Variants in SDK1 observed in about 807,000 individuals in gnomAD.
The protein encoded by SDK1 is protein sidekick-1.
Under a neutral mutation model 245.5 loss-of-function variants are expected in SDK1, and 157 were observed. The observed-to-expected ratio is 0.64, with a 90% CI of 0.56 to 0.73. SDK1 has a LOEUF of 0.73. Among genes scored for constraint, SDK1 ranks in the 30% least tolerant of loss-of-function variants. The pLI is 0.00. For synonymous variants in SDK1, 1,647 were observed against 1,278.5 expected, an observed-to-expected ratio of 1.29 and a Z score of -6.15; for missense variants, 3,583 against 3,002.3, an observed-to-expected ratio of 1.19 and a Z score of -4.52.
intron 1 of SDK1, among the ~76,000 whole-genome samples, chr7:3,599,981 GA>G (rs1479954826): frequency 1.3e-5 from 2 of 152,094 alleles, no homozygotes; most frequent in Non-Finnish European, 2.9e-5. Context: ...CTGGTATTTG[GA>G]CAATAATTCC....
intron 28 of SDK1, among the ~76,000 whole-genome samples, chr7:4,137,539 C>T (rs992164024): frequency 1.3e-5 from 2 of 152,156 alleles, no homozygotes; most frequent in Non-Finnish European, 2.9e-5. Flanking sequence ...GTGCCACCTC[C>T]GTCTTCCAGG....
intron 1 of SDK1, among the ~76,000 whole-genome samples, chr7:3,553,372 C>G (rs541890022): frequency 1.3e-5 from 2 of 152,144 alleles, no homozygotes; most frequent in African/African-American, 4.8e-5. Flanking sequence ...CCCACTTTCT[C>G]CCAACTAAAT....
intron 25 of SDK1, among the ~76,000 whole-genome samples, chr7:4,126,823 T>C (rs1220000032): frequency 6.6e-6 from 1 of 152,262 alleles, no homozygotes; most frequent in African/African-American, 2.4e-5. Context: ...AGCTTTAGTT[T>C]TCTGATCGGT....
In SDK1 at chr7:3,414,076, A is replaced by G. The variant is rs182336316; in HGVS notation, c.298+112192A>G. On this transcript the variant is annotated intron_variant, in intron 1 of 44. Coordinates refer to ENST00000404826, the MANE Select transcript of SDK1 (RefSeq NM_152744.4). ...TTTTGGGCTGGGCTGTAGTGGCAGC[A>G]GCAGAGATAGCTATGCCTTGGAAGA... Among the ~76,000 whole-genome samples the G allele has an allele frequency of 4.9e-3, 753 of 152,286 alleles. 9 individuals are homozygous for G. Among genetic ancestry groups the G allele is most frequent in the African/African-American group, 0.017 (707 of 41,552 alleles).
chr7:4,042,935 C>T (rs1351229376), intron 17 of SDK1, among the ~76,000 whole-genome samples: 5 of 152,178 alleles, frequency 3.3e-5, no homozygotes, highest in Admixed American at 6.5e-5. Flanking sequence ...AAAGAGAAGC[C>T]GAAGACCTGG....
At chr7:3,819,863 A>G (rs1187470672) in intron 4 of SDK1, among the ~76,000 whole-genome samples, 2 of 152,180 alleles carry the variant, frequency 1.3e-5, no homozygotes, top group Non-Finnish European at 1.5e-5. Context: ...TAGCAGGAAG[A>G]AAAAGGATTA....
At chr7:3,944,709 C>T (rs1255183534) in intron 5 of SDK1, among the ~76,000 whole-genome samples, 5 of 151,980 alleles carry the variant, frequency 3.3e-5, no homozygotes, top group Admixed American at 3.3e-4. Context: ...TTCTTGCTTA[C>T]AAAAGGAGCA....
chr7:3,860,796 CACCCTATAGTTTA>C (rs1780671495), intron 5 of SDK1, among the ~76,000 whole-genome samples: 1 of 152,172 alleles, frequency 6.6e-6, no homozygotes, highest in Admixed American at 6.5e-5. Context: ...CTGTAACCCA[CACCCTATAGTTTA>C]ACAATATGCA....
At chr7:3,775,494 T>A (rs1223605864) in intron 4 of SDK1, among the ~76,000 whole-genome samples, 2 of 152,050 alleles carry the variant, frequency 1.3e-5, no homozygotes, top group African/African-American at 4.8e-5. Flanking sequence ...CTGACACATA[T>A]GTGCTTGACT....
intron 22 of SDK1, among the ~76,000 whole-genome samples, chr7:4,089,078 C>G (rs1467840059): frequency 7.1e-6 from 1 of 140,708 alleles, no homozygotes; most frequent in African/African-American, 3.2e-5. Context: ...GTGAGACCCT[C>G]CCTCAGGCGG....
At chr7:3,799,204 G>A (rs190856042) in intron 4 of SDK1, among the ~76,000 whole-genome samples, 93 of 151,622 alleles carry the variant, frequency 6.1e-4, no homozygotes, top group African/African-American at 1.6e-3. Context: ...CTTATTTTTC[G>A]TTTTCAGGAC....
At chr7:3,484,469 G>A (rs1350846054) in intron 1 of SDK1, among the ~76,000 whole-genome samples, 1 of 152,106 alleles carries the variant, frequency 6.6e-6, no homozygotes, top group Admixed American at 6.6e-5. Flanking sequence ...ACCGAGGAAC[G>A]GCTATATTTT....
chr7:3,834,632 A>T (rs1433801987), intron 5 of SDK1, among the ~76,000 whole-genome samples: 1 of 152,174 alleles, frequency 6.6e-6, no homozygotes, highest in Non-Finnish European at 1.5e-5. Flanking sequence ...CTTGTTATAA[A>T]TATCAGTGCC....
chr7:4,115,983 C>T (rs1239679018), intron 25 of SDK1, among the ~76,000 whole-genome samples: 1 of 152,112 alleles, frequency 6.6e-6, no homozygotes, highest in Non-Finnish European at 1.5e-5. Flanking sequence ...GACGTGGGGG[C>T]ACAAGGCCTG....
intron 1 of SDK1, among the ~76,000 whole-genome samples, chr7:3,554,797 A>G (rs1357114093): frequency 6.6e-6 from 1 of 152,234 alleles, no homozygotes; most frequent in East Asian, 1.9e-4. Flanking sequence ...GCCAAAAACA[A>G]ACAATCTGAA....
chr7:3,613,904 A>G (rs903348544), intron 1 of SDK1, among the ~76,000 whole-genome samples: 66 of 152,276 alleles, frequency 4.3e-4, no homozygotes, highest in African/African-American at 1.5e-3. Context: ...TTCTCCTCCT[A>G]TAAGTGGGAG....
At position 4,175,822 on chromosome 7, in the gene SDK1, T is replaced by C. The variant is rs762678237; in HGVS notation, c.4984T>C (p.Cys1662Arg). The C allele has an allele frequency of 1.2e-6, 2 of 1,613,626 alleles. No homozygotes were observed. The highest frequency in any genetic ancestry group is 1.7e-6 in the Non-Finnish European group (2 of 1,179,958). The change falls in exon 34 of 45, where the codon TGT becomes CGT. Residue 1662 changes from cysteine (C) to arginine (R), a missense_variant. By Grantham distance (180) the Cys-to-Arg change is radical (BLOSUM62 -3). Coordinates refer to ENST00000404826, the MANE Select transcript of SDK1 (RefSeq NM_152744.4). ...GAACAGCAGCTCCACATCGACGATG[T>C]GTGAACTAACACGTAAGTGCGCTCT... ...TVNSSSTSTMCELTHLKKYRR... is the reference protein window; with the variant it reads ...TVNSSSTSTMRELTHLKKYRR...
intron 28 of SDK1, among the ~76,000 whole-genome samples, chr7:4,136,994 C>T (rs951282938): frequency 6.6e-6 from 1 of 152,238 alleles, no homozygotes; most frequent in Non-Finnish European, 1.5e-5. Flanking sequence ...TGCCCACCAA[C>T]AGCAGCTGCA....
chr7:3,403,855 A>AATATATATT (rs1778970355), intron 1 of SDK1, among the ~76,000 whole-genome samples: 1 of 91,720 alleles, frequency 1.1e-5, no homozygotes, highest in African/African-American at 5.6e-5. Context: ...ATATATATAT[A>AATATATATT]TATATATATA....
Sources: allele counts gnomAD v4.1 joint callset (sites outside exome capture counted in the v4.1 genomes callset), GRCh38; gene constraint gnomAD v4.1.1; transcripts MANE v1.5; gene names NCBI Gene and HGNC (gene_info 2026-07-23, HGNC 2026-07-21).